Variants in ADGRL3 observed in about 807,000 individuals in gnomAD.
The protein encoded by ADGRL3 is adhesion G protein-coupled receptor L3.
A neutral mutation model predicts 153.5 loss-of-function variants in ADGRL3; 62 were observed. That is an observed-to-expected ratio of 0.40 (90% CI 0.33 to 0.50). The LOEUF (loss-of-function observed/expected upper bound fraction) is 0.50. Among genes scored for constraint, ADGRL3 ranks in the 20% least tolerant of loss-of-function variants. The pLI is 0.47. For synonymous variants in ADGRL3, 710 were observed against 672.5 expected, an observed-to-expected ratio of 1.06 and a Z score of -0.86; for missense variants, 1,641 against 1,859.4, an observed-to-expected ratio of 0.88 and a Z score of 2.16.
chr4:62,007,383 T>TATATATATATATATATATATAC (rs71213024), intron 21 of ADGRL3, among the ~76,000 whole-genome samples: 3 of 30,782 alleles, frequency 9.7e-5, no homozygotes, highest in South Asian at 8.7e-4. Context: ...TATATATATA[T>TATATATATATATATATATATAC]ACACACACAC....
intron 1 of ADGRL3, among the ~76,000 whole-genome samples, chr4:61,363,769 A>C (rs566943364): frequency 6.6e-6 from 1 of 152,076 alleles, no homozygotes; most frequent in African/African-American, 2.4e-5. Flanking sequence ...ATTTTTTTTT[A>C]ATCTTTTCAG....
intron 2 of ADGRL3, among the ~76,000 whole-genome samples, chr4:61,384,152 G>A (rs2096707641): frequency 1.3e-5 from 2 of 151,632 alleles, no homozygotes; most frequent in African/African-American, 4.8e-5. Flanking sequence ...TATTGCACTT[G>A]CCTTTCTGTG....
intron 2 of ADGRL3, among the ~76,000 whole-genome samples, chr4:61,455,938 C>A (rs1578959025): frequency 6.6e-6 from 1 of 152,102 alleles, no homozygotes; most frequent in Non-Finnish European, 1.5e-5. Context: ...ACCTCAGCCT[C>A]CCAAGTAGCT....
intron 13 of ADGRL3, among the ~76,000 whole-genome samples, chr4:61,926,987 A>G (rs2098797030): frequency 6.6e-6 from 1 of 152,116 alleles, no homozygotes; most frequent in African/African-American, 2.4e-5. Context: ...GTTGAGTTTC[A>G]TCTTGGAATT....
intron 8 of ADGRL3, among the ~76,000 whole-genome samples, chr4:61,736,248 A>C (rs1170231712): frequency 1.3e-5 from 2 of 152,132 alleles, no homozygotes; most frequent in African/African-American, 4.8e-5. Flanking sequence ...TGTGAACATA[A>C]GGAAAATTAT....
chr4:61,630,085 T>G (rs2093068909), intron 5 of ADGRL3, among the ~76,000 whole-genome samples: 1 of 152,138 alleles, frequency 6.6e-6, no homozygotes, highest in Non-Finnish European at 1.5e-5. Context: ...ACTACCCCTA[T>G]GAAATCAGCA....
intron 6 of ADGRL3, among the ~76,000 whole-genome samples, chr4:61,703,610 G>GA (rs147140844): frequency 0.021 from 3,087 of 146,504 alleles, 67 homozygotes; most frequent in East Asian, 0.072. Flanking sequence ...TAAGATTTTA[G>GA]AAAAAAAAAA....
At chr4:61,630,355 C>T (rs2093085859) in intron 5 of ADGRL3, among the ~76,000 whole-genome samples, 1 of 152,080 alleles carries the variant, frequency 6.6e-6, no homozygotes, top group Admixed American at 6.6e-5. Context: ...GCTCTTTTTA[C>T]TGCAAGTAAT....
intron 9 of ADGRL3, among the ~76,000 whole-genome samples, chr4:61,885,180 G>A (rs1477945058): frequency 6.6e-6 from 1 of 151,880 alleles, no homozygotes; most frequent in East Asian, 2.0e-4. Context: ...GGAAGCTGAG[G>A]CAGGAGAATC....
intron 8 of ADGRL3, among the ~76,000 whole-genome samples, chr4:61,740,853 G>A (rs372365553): frequency 5.3e-5 from 8 of 152,228 alleles, no homozygotes; most frequent in Admixed American, 4.6e-4. Context: ...CTTGAAAGCC[G>A]TTTGAGATTA....
intron 1 of ADGRL3, among the ~76,000 whole-genome samples, chr4:61,361,030 C>CAGTG (rs2096274554): frequency 6.6e-6 from 1 of 152,078 alleles, no homozygotes; most frequent in Admixed American, 6.5e-5. Flanking sequence ...CTAATAAGTA[C>CAGTG]AGTGATGTAG....
chr4:61,280,730 T>C, intron 1 of ADGRL3, among the ~76,000 whole-genome samples: 1 of 152,266 alleles, frequency 6.6e-6, no homozygotes. Context: ...ACTTCAGAAG[T>C]TCATGTAAGG....
intron 9 of ADGRL3, among the ~76,000 whole-genome samples, chr4:61,884,738 C>T (rs1337716995): frequency 6.6e-6 from 1 of 151,832 alleles, no homozygotes; most frequent in Admixed American, 6.6e-5. Flanking sequence ...AATTCTCCTG[C>T]CTCAGCCTCT....
At chr4:61,985,256 A>AT (rs200272018) in intron 19 of ADGRL3, among the ~76,000 whole-genome samples, 17,882 of 147,514 alleles carry the variant, frequency 0.12, 1,192 homozygotes, top group East Asian at 0.23. Flanking sequence ...ATAAACTAGG[A>AT]TTTTTTTTTT....
intron 2 of ADGRL3, among the ~76,000 whole-genome samples, chr4:61,421,291 G>A (rs2097204330): frequency 2.0e-5 from 3 of 151,866 alleles, no homozygotes; most frequent in Admixed American, 6.6e-5. Flanking sequence ...CCAAGAGCAC[G>A]CCACTGCACT....
At chr4:61,750,256 A>G (rs2096737293) in intron 8 of ADGRL3, among the ~76,000 whole-genome samples, 2 of 151,636 alleles carry the variant, frequency 1.3e-5, no homozygotes, top group Admixed American at 1.3e-4. Flanking sequence ...ATTTACAAAG[A>G]TTATCAGATG....
At chr4:61,439,787 A>G (rs772018706) in intron 2 of ADGRL3, among the ~76,000 whole-genome samples, 12 of 152,186 alleles carry the variant, frequency 7.9e-5, no homozygotes, top group Non-Finnish European at 1.5e-4. Flanking sequence ...TATTTTAATA[A>G]GATGACCTTG....
chr4:61,360,852 A>G (rs1046529337), intron 1 of ADGRL3, among the ~76,000 whole-genome samples: 4 of 152,324 alleles, frequency 2.6e-5, no homozygotes, highest in Admixed American at 6.5e-5. Context: ...AACAGCAATA[A>G]TAATAGCACC....
At chr4:61,453,939 A>G (rs1014839020) in intron 2 of ADGRL3, among the ~76,000 whole-genome samples, 2 of 152,058 alleles carry the variant, frequency 1.3e-5, no homozygotes, top group African/African-American at 4.8e-5. Context: ...TTTTAATATT[A>G]TATATATAAA....
Sources: allele counts gnomAD v4.1 joint callset (sites outside exome capture counted in the v4.1 genomes callset), GRCh38; gene constraint gnomAD v4.1.1; transcripts MANE v1.5; gene names NCBI Gene and HGNC (gene_info 2026-07-23, HGNC 2026-07-21).